The following MYO16 variants were observed in gnomAD, a reference collection of about 807,000 sequenced individuals.
MYO16 encodes the protein unconventional myosin-XVI.
MYO16 carries 94 observed loss-of-function variants against 205.3 expected under a neutral mutation model. The ratio of observed to expected loss-of-function variants is 0.46; its 90% CI spans 0.39 to 0.54. The LOEUF (loss-of-function observed/expected upper bound fraction) is 0.54. MYO16 is among the 20% of genes least tolerant of loss of function. MYO16 has a pLI of 0.00. For missense variants in MYO16, 2,315 were observed against 2,387.5 expected (o/e 0.97, Z 0.63); for synonymous variants, 988 against 954.0 (o/e 1.04, Z -0.66).
At chr13:108,984,414 G>A (rs951773152) in intron 20 of MYO16, among the ~76,000 whole-genome samples, 8 of 152,236 alleles carry the variant, frequency 5.3e-5, no homozygotes, top group Middle Eastern at 3.4e-3. Flanking sequence ...GTCACCATCC[G>A]CATACATTTG....
At chr13:108,848,242 C>T (rs1444486253) in intron 10 of MYO16, among the ~76,000 whole-genome samples, 1 of 152,200 alleles carries the variant, frequency 6.6e-6, no homozygotes, top group Admixed American at 6.5e-5. Flanking sequence ...GTCTTCTACT[C>T]CCTGCCCGGA....
At chr13:108,712,995 T>C (rs1232437559) in intron 3 of MYO16, among the ~76,000 whole-genome samples, 1 of 152,184 alleles carries the variant, frequency 6.6e-6, no homozygotes, top group Non-Finnish European at 1.5e-5. Context: ...TTGTATCAAT[T>C]ATACAGTATT....
intron 16 of MYO16, among the ~76,000 whole-genome samples, chr13:108,912,681 C>A (rs1483287985): frequency 6.6e-6 from 1 of 151,972 alleles, no homozygotes; most frequent in Non-Finnish European, 1.5e-5. Flanking sequence ...TGGGAGGAAG[C>A]ACCTAACTGG....
At chr13:108,913,394 A>G (rs1400525155) in intron 16 of MYO16, among the ~76,000 whole-genome samples, 1 of 152,172 alleles carries the variant, frequency 6.6e-6, no homozygotes, top group African/African-American at 2.4e-5. Flanking sequence ...GTCTTCTCAC[A>G]TTTATAATGT....
chr13:108,753,199 C>A (rs1205613798), intron 4 of MYO16, among the ~76,000 whole-genome samples: 1 of 151,660 alleles, frequency 6.6e-6, no homozygotes, highest in Non-Finnish European at 1.5e-5. Context: ...GAAACCCTGT[C>A]TCTACTAAGA....
intron 32 of MYO16, among the ~76,000 whole-genome samples, chr13:109,154,597 T>C (rs71440016): frequency 7.2e-4 from 109 of 152,156 alleles, no homozygotes; most frequent in South Asian, 1.9e-3. Context: ...TAGCTTACCA[T>C]CCAGGCTGTA....
chr13:108,817,290 A>C (rs1875672274), intron 7 of MYO16, among the ~76,000 whole-genome samples: 1 of 152,242 alleles, frequency 6.6e-6, no homozygotes, highest in Non-Finnish European at 1.5e-5. Flanking sequence ...AACTCTCAAG[A>C]AGAAAATGAT....
At chr13:108,610,594 C>T (rs1219132319) in intron 1 of MYO16, among the ~76,000 whole-genome samples, 1 of 152,134 alleles carries the variant, frequency 6.6e-6, no homozygotes, top group Non-Finnish European at 1.5e-5. Flanking sequence ...CTGATGGAAG[C>T]GTGCGATGTC....
chr13:108,732,732 GT>G (rs1402252689), intron 4 of MYO16, among the ~76,000 whole-genome samples: 1 of 152,192 alleles, frequency 6.6e-6, no homozygotes, highest in Admixed American at 6.5e-5. Flanking sequence ...AGAGGATCAC[GT>G]TTGCTGCTCT....
chr13:108,628,662 C>A (rs1035566889), upstream of MYO16, among the ~76,000 whole-genome samples: 1 of 152,084 alleles, frequency 6.6e-6, no homozygotes, highest in Non-Finnish European at 1.5e-5. Context: ...ATAGTCATGA[C>A]CCCTTGTTGT....
chr13:108,615,318 T>G (rs918106783), intron 1 of MYO16, among the ~76,000 whole-genome samples: 2 of 152,070 alleles, frequency 1.3e-5, no homozygotes, highest in African/African-American at 4.8e-5. Flanking sequence ...CTGACAAGGA[T>G]ATGAAGAAAT....
chr13:108,971,689 T>C (rs1884018173), intron 20 of MYO16, among the ~76,000 whole-genome samples: 1 of 152,146 alleles, frequency 6.6e-6, no homozygotes, highest in Non-Finnish European at 1.5e-5. Flanking sequence ...TACATTCTTA[T>C]AGTATTTTAG....
intron 16 of MYO16, among the ~76,000 whole-genome samples, chr13:108,917,519 T>G (rs572828947): frequency 2.0e-5 from 3 of 152,334 alleles, no homozygotes; most frequent in African/African-American, 7.2e-5. Flanking sequence ...CTGGCCAAAC[T>G]TATCACCTTG....
At chr13:108,884,297 G>A (rs1253597971) in intron 13 of MYO16, among the ~76,000 whole-genome samples, 4 of 152,214 alleles carry the variant, frequency 2.6e-5, no homozygotes, top group African/African-American at 7.2e-5. Flanking sequence ...ACTGATGGGC[G>A]CACACTTTAG....
intron 7 of MYO16, among the ~76,000 whole-genome samples, chr13:108,817,774 GC>G (rs1875710465): frequency 6.6e-6 from 1 of 152,084 alleles, no homozygotes; most frequent in African/African-American, 2.4e-5. Context: ...GACTCCTCTT[GC>G]CTAGGAAAAA....
chr13:108,540,093 T>G, the MYO16 span, among the ~76,000 whole-genome samples: 1 of 152,124 alleles, frequency 6.6e-6, no homozygotes, highest in South Asian at 2.1e-4. Context: ...TTAGGGATGA[T>G]CAGCTTGATT....
At chr13:108,715,413 T>C (rs146458940) in intron 3 of MYO16, among the ~76,000 whole-genome samples, 14 of 152,294 alleles carry the variant, frequency 9.2e-5, no homozygotes, top group Admixed American at 9.2e-4. Flanking sequence ...CCATCTTTTA[T>C]AGCACACTTG....
chr13:108,964,731 T>C (rs200105311), intron 19 of MYO16, 30 bp from the exon 20 acceptor site: 2 of 1,610,838 alleles, frequency 1.2e-6, no homozygotes, highest in Non-Finnish European at 1.7e-6. Context: ...ACCCTTGTGC[T>C]CACTCCTCCT....
intron 16 of MYO16, among the ~76,000 whole-genome samples, chr13:108,956,381 C>G (rs1298192862): frequency 2.6e-5 from 4 of 152,128 alleles, no homozygotes; most frequent in African/African-American, 7.2e-5. Flanking sequence ...GCCACACACT[C>G]CCCTTACTTG....
Sources: allele counts gnomAD v4.1 joint callset (sites outside exome capture counted in the v4.1 genomes callset), GRCh38; gene constraint gnomAD v4.1.1; transcripts MANE v1.5; gene names NCBI Gene and HGNC (gene_info 2026-07-23, HGNC 2026-07-21).